Variants in METTL26 observed in about 807,000 individuals in gnomAD.
METTL26 encodes the protein methyltransferase-like 26.
METTL26 carries 28 observed loss-of-function variants against 24.7 expected under a neutral mutation model. The ratio of observed to expected loss-of-function variants is 1.13; its 90% CI spans 0.84 to 1.55. METTL26 has a LOEUF of 1.55. Ranked by LOEUF, METTL26 falls within the 40% of genes most tolerant of loss-of-function variation. The pLI is 0.00. For synonymous variants in METTL26, 165 were observed against 125.2 expected (o/e 1.32, Z -2.12); for missense variants, 344 against 281.2 (o/e 1.22, Z -1.60).
At position 634,543 on chromosome 16, in the gene METTL26, G is replaced by C. The variant is rs753941985; in HGVS notation, c.*54C>G. 15 of 1,612,802 alleles carry C rather than the reference G, an allele frequency of 9.3e-6. No homozygotes were observed. The highest frequency in any genetic ancestry group is 1.3e-5 in the African/African-American group (1 of 74,940). On this transcript the variant is annotated 3_prime_UTR_variant, in exon 6 of 6. Transcript: ENST00000301686. ...GGTCCGGCCTAGGGAGGCAGGGTTC[G>C]TGCCTCACAGAGCCTCCGGCAGGGA...
At chr16:635,044 A>C (rs1168578223) in intron 3 of METTL26, 88 bp from the exon 4 acceptor site, 7 of 1,532,434 alleles carry the variant, frequency 4.6e-6, no homozygotes, top group Non-Finnish European at 6.1e-6. Context: ...GGGTTTGGAG[A>C]ATGAAAGGGC....
rs769068856 is a variant in METTL26, at chr16:634,860, G to C, written c.488+29C>G. On this transcript the variant is annotated intron_variant, in intron 4 of 5. Coordinates refer to ENST00000301686, the MANE Select transcript of METTL26 (RefSeq NM_032366.5). Reference sequence around the variant, plus strand: ...GTGCCACCCAAGCCACCTGCCACCTGAGCCAGACCCCCCGCCTCTAGCTCT... The same window carrying C: ...GTGCCACCCAAGCCACCTGCCACCTCAGCCAGACCCCCCGCCTCTAGCTCT... The C allele has an allele frequency of 7.6e-6, 12 of 1,572,910 alleles. No individual in the cohort carries two copies. The South Asian group carries it at 1.4e-4, about 18-fold the overall frequency.
Position 634,561 on chromosome 16 carries a change from G to C in METTL26, c.*36C>G, listed in dbSNP as rs200097008. On this transcript the variant is annotated 3_prime_UTR_variant, in exon 6 of 6. Coordinates refer to ENST00000301686, the MANE Select transcript of METTL26 (RefSeq NM_032366.5). ...AGGGTTCGTGCCTCACAGAGCCTCCGGCAGGGATGCAGGTGTGCGGGGGTG... is the reference window on the plus strand; with the variant it reads ...AGGGTTCGTGCCTCACAGAGCCTCCCGCAGGGATGCAGGTGTGCGGGGGTG... 3.1e-6 allele frequency: 5 copies of C among 1,612,864 alleles called. No homozygotes were observed. Among genetic ancestry groups the C allele is most frequent in the South Asian group, 2.2e-5 (2 of 91,088 alleles).
chr16:636,187 G>A lies in METTL26; in HGVS notation c.104C>T (p.Ala35Val). The A allele has an allele frequency of 6.7e-7, 1 of 1,486,904 alleles. No individual in the cohort carries two copies. Among genetic ancestry groups the A allele is most frequent in the African/African-American group, 1.5e-5 (1 of 67,924 alleles). The allele number at this position is 1,486,904 out of a possible 1,614,324, so 92.1% of individuals were successfully genotyped here. ...CGCTGCGTGCTGGCCGGAGCCCGAGGCCACCTCGAGGACGCGGACGCCACG... is the reference window on the plus strand; with the variant it reads ...CGCTGCGTGCTGGCCGGAGCCCGAGACCACCTCGAGGACGCGGACGCCACG... ...AQRGVRVLEVASGSGQHAAHF... is the reference protein window; with the variant it reads ...AQRGVRVLEVVSGSGQHAAHF... Residue 35 changes from alanine to valine, a missense_variant, in exon 1 of 6, where the codon GCC becomes GTC. Transcript: ENST00000301686.
intron 1 of METTL26, 38 bp downstream of exon 1, chr16:636,056 C>A: frequency 7.0e-7 from 1 of 1,425,198 alleles, no homozygotes; most frequent in Non-Finnish European, 9.1e-7. Context: ...GGCCCCGGAC[C>A]GCCGCACCGA....
rs777062031 is a variant in METTL26, at chr16:634,948, G to A, written c.429C>T (p.Ala143=). ...TCTGGGGGGAGATCTTCCCATTGAT[G>A]GCATAGGGCTGTGGGCATGGGGACA... ...RALLITYGPY[A]INGKISPQSN... is the part of the protein sequence containing the mutation. Residue 143 remains alanine, a synonymous_variant, in exon 4 of 6, where the codon GCC becomes GCT. Transcript: ENST00000301686. 1.2e-6 allele frequency: 2 copies of A among 1,604,100 alleles called. No individual in the cohort carries two copies. The highest frequency in any genetic ancestry group is 8.5e-7 in the Non-Finnish European group (1 of 1,175,922).
Position 635,709 on chromosome 16 carries a change from G to T in METTL26, c.263C>A (p.Thr88Lys). The stretch of plus-strand genomic sequence containing the variant: ...CCCGCCCCAGTGCTCCCAGCCCCAC[G>T]TCACGTCCAGGTGTAGCGGGGCCTT... ...NVKAPLHLDV[T>K]WGWEHWGGIL... is the part of the protein sequence containing the mutation. The change falls in exon 2 of 6, where the codon ACG becomes AAG. Residue 88 changes from threonine to lysine, a missense_variant. Physicochemically the swap from Thr to Lys is moderately conservative, Grantham distance 78 (BLOSUM62 -1). Coordinates refer to ENST00000301686, the MANE Select transcript of METTL26 (RefSeq NM_032366.5). 5 of 1,568,788 alleles carry T rather than the reference G, an allele frequency of 3.2e-6. No individual in the cohort carries two copies. Among genetic ancestry groups the T allele is most frequent in the Admixed American group, 1.9e-5 (1 of 52,552 alleles).
Position 634,994 on chromosome 16 carries a change from G to A in METTL26, c.421-38C>T, listed in dbSNP as rs370371280. ...GGACACAGCCCACTGGACCAAGGTC[G>A]GGGTATTTCCCAGAGAGCCTGGGAC... On this transcript the variant is annotated intron_variant, in intron 3 of 5. Coordinates refer to ENST00000301686, the MANE Select transcript of METTL26 (RefSeq NM_032366.5). 1.6e-5 allele frequency: 25 copies of A among 1,564,716 alleles called. No individual in the cohort carries two copies. In the South Asian group the frequency reaches 2.1e-4, roughly 13 times the overall value.
In METTL26 at chr16:634,552, A is replaced by C; in HGVS notation, c.*45T>G. 1 of 1,613,044 alleles carries C rather than the reference A, an allele frequency of 6.2e-7. No individual in the cohort carries two copies. The highest frequency in any genetic ancestry group is 8.5e-7 in the Non-Finnish European group (1 of 1,179,926). ...TAGGGAGGCAGGGTTCGTGCCTCAC[A>C]GAGCCTCCGGCAGGGATGCAGGTGT... On this transcript the variant is annotated 3_prime_UTR_variant, in exon 6 of 6. Coordinates refer to ENST00000301686, the MANE Select transcript of METTL26 (RefSeq NM_032366.5).
At position 635,170 on chromosome 16, in the gene METTL26, T is replaced by C. The variant is rs1596437698; in HGVS notation, c.420+111A>G. The C allele has an allele frequency of 6.1e-6, 9 of 1,471,426 alleles. No individual in the cohort carries two copies. In the East Asian group the frequency reaches 2.2e-4, roughly 37 times the overall value. 91.1% of individuals were successfully genotyped at this position (1,471,426 alleles called of 1,614,324 possible). On this transcript the variant is annotated intron_variant, in intron 3 of 5. Transcript: ENST00000301686. ...CAGACTGGAAGTGGAGGGGAGGCCG[T>C]GCTGGTGGCTGGGCGGGGGGCAGGG...
At position 636,130 on chromosome 16, in the gene METTL26, C is replaced by T; in HGVS notation, c.161G>A (p.Trp54Ter). 7.0e-7 allele frequency: 1 copy of T among 1,427,686 alleles called. No homozygotes were observed. The allele number at this position is 1,427,686 out of a possible 1,614,324, so 88.4% of individuals were successfully genotyped here. A position where few individuals can be genotyped will look rare whatever the true frequency, so the allele number is the denominator to read the frequency against. Reference sequence around the variant, plus strand: ...GCGCTGGTCCACGTCCGACGGCTGCCACTCGGCCAGGGGGAAGGCCCGCGC... The same window carrying T: ...GCGCTGGTCCACGTCCGACGGCTGCTACTCGGCCAGGGGGAAGGCCCGCGC... ...HFARAFPLAE[W>*]QPSDVDQRCL... The change falls in exon 1 of 6, where the codon TGG (tryptophan) becomes TAG (stop). Residue 54 changes from tryptophan (W) to a stop codon, truncating the protein, a stop_gained. Transcript: ENST00000301686. LOFTEE classifies it high-confidence loss of function.
Position 634,479 on chromosome 16 carries a change from C to G in METTL26, c.*118G>C. On this transcript the variant is annotated 3_prime_UTR_variant, in exon 6 of 6. Coordinates refer to ENST00000301686, the MANE Select transcript of METTL26 (RefSeq NM_032366.5). ...TGAGCAGGCTGGGCCCTTCGGCCAG[C>G]GGCTGAGAGCACAGACTGGGTGGGG... 6.3e-7 allele frequency: 1 copy of G among 1,583,284 alleles called. No homozygotes were observed. Among genetic ancestry groups the G allele is most frequent in the Non-Finnish European group, 8.7e-7 (1 of 1,153,848 alleles).
chr16:635,661 A>G lies in METTL26; in HGVS notation c.311T>C (p.Leu104Pro), dbSNP rs758767701. The G allele has an allele frequency of 1.6e-4, 250 of 1,552,852 alleles. 1 individual carries two copies. The South Asian group carries it at 2.7e-3, about 17-fold the overall frequency. Reference sequence around the variant, plus strand: ...ATGGGCCATGTTGATGCAGAGCAACAGGTCCAGCGACTGTGGCAGGATCCC... The same window carrying G: ...ATGGGCCATGTTGATGCAGAGCAACGGGTCCAGCGACTGTGGCAGGATCCC... ...WGGILPQSLDLLLCINMAHVS... is the reference protein window; with the variant it reads ...WGGILPQSLDPLLCINMAHVS... Residue 104 changes from leucine (L) to proline (P), a missense_variant, in exon 2 of 6, where the codon CTG becomes CCG. By Grantham distance (98) the Leu-to-Pro change is moderately conservative (BLOSUM62 -3). Transcript: ENST00000301686.
chr16:636,062 A>C lies in METTL26; in HGVS notation c.197+32T>G, dbSNP rs1171745892. On this transcript the variant is annotated intron_variant, in intron 1 of 5. Coordinates refer to ENST00000301686, the MANE Select transcript of METTL26 (RefSeq NM_032366.5). The stretch of plus-strand genomic sequence containing the variant: ...GGCTCTTGAGGCCCCGGACCGCCGC[A>C]CCGATAGAAGTGGCCGCCCCGGGGG... 1.1e-5 allele frequency: 15 copies of C among 1,421,870 alleles called. No individual in the cohort carries two copies. The Admixed American group carries it at 4.3e-4, about 41-fold the overall frequency. 88.1% of individuals were successfully genotyped at this position (1,421,870 alleles called of 1,614,324 possible).
intron 3 of METTL26, 55 bp downstream of exon 3, chr16:635,226 G>A: frequency 1.3e-6 from 2 of 1,524,248 alleles, no homozygotes; most frequent in Non-Finnish European, 1.8e-6. Context: ...CAGCAGGGCA[G>A]GAGACAGCAG....
intron 3 of METTL26, 113 bp downstream of exon 3, chr16:635,168 C>T (rs1008512638): frequency 3.4e-6 from 5 of 1,465,300 alleles, no homozygotes; most frequent in East Asian, 5.0e-5. Context: ...GAGGGGAGGC[C>T]GTGCTGGTGG....
rs1029772134 is a variant in METTL26, at chr16:635,288, G to A, written c.413C>T (p.Thr138Ile). Reference sequence around the variant, plus strand: ...GTGGACAGGCCCACTCACCCCGTAGGTGATGAGCAGGGCCCTGGGTTTGAG... The same window carrying A: ...GTGGACAGGCCCACTCACCCCGTAGATGATGAGCAGGGCCCTGGGTTTGAG... ...HLLKPRALLI[T>I]YGPYAINGKI... Residue 138 changes from threonine (T) to isoleucine (I), a missense_variant, in exon 3 of 6, where the codon ACC becomes ATC. By Grantham distance (89) the Thr-to-Ile change is moderately conservative. Transcript: ENST00000301686. 1.9e-6 allele frequency: 3 copies of A among 1,592,016 alleles called. No individual in the cohort carries two copies. The highest frequency in any genetic ancestry group is 2.6e-6 in the Non-Finnish European group (3 of 1,169,006).
Position 634,931 on chromosome 16 carries a change from G to A in METTL26, c.446C>T (p.Ser149Phe), listed in dbSNP as rs1469540949. ...GTCAAAGTCCACGTTGCTCTGGGGG[G>A]AGATCTTCCCATTGATGGCATAGGG... ...YGPYAINGKI[S>F]PQSNVDFDLM... The change falls in exon 4 of 6, where the codon TCC becomes TTC. Residue 149 changes from serine (S) to phenylalanine (F), a missense_variant. Ser to Phe is a radical substitution (Grantham distance 155, BLOSUM62 -2). Coordinates refer to ENST00000301686, the MANE Select transcript of METTL26 (RefSeq NM_032366.5). 2.5e-6 allele frequency: 4 copies of A among 1,606,396 alleles called. No homozygotes were observed. Among genetic ancestry groups the A allele is most frequent in the Non-Finnish European group, 3.4e-6 (4 of 1,176,934 alleles).
rs772511537 is a variant in METTL26, at chr16:634,791, T to G, written c.495A>C (p.Pro165=). 5.0e-6 allele frequency: 8 copies of G among 1,609,912 alleles called. No individual in the cohort carries two copies. The East Asian group carries it at 8.9e-5, about 18-fold the overall frequency. Residue 165 remains proline (P), a synonymous_variant, in exon 5 of 6, where the codon CCA becomes CCC. Transcript: ENST00000301686. ...DFDLMLRCRN[P]EWGLRDTALL... ...GGGCTGTGTCCCGAAGCCCCCATTC[T>G]GGGTTCCTGCAGAGGGTGGGGAGAT...
Sources: allele counts gnomAD v4.1 joint callset, GRCh38; gene constraint gnomAD v4.1.1; transcripts MANE v1.5; gene names NCBI Gene and HGNC (gene_info 2026-07-23, HGNC 2026-07-21).